Variants in SERPINB11 observed in about 807,000 individuals in gnomAD.
The protein encoded by SERPINB11 is serpin family B member 11.
In SERPINB11, 32 loss-of-function variants were observed where a neutral mutation model predicts 36.7. The ratio of observed to expected loss-of-function variants is 0.87; its 90% CI spans 0.66 to 1.17. SERPINB11 has a LOEUF of 1.17. Ranked by LOEUF, SERPINB11 falls within the 50% of genes most tolerant of loss-of-function variation. The probability of loss-of-function intolerance (pLI) is 0.00; values close to 1 mark genes in which losing one functional copy is unlikely to be tolerated. For synonymous variants in SERPINB11, 174 were observed against 168.1 expected (o/e 1.04, Z -0.27); for missense variants, 528 against 458.4 (o/e 1.15, Z -1.39).
At chr18:63,717,042 C>T (rs1030916335) in intron 5 of SERPINB11, among the ~76,000 whole-genome samples, 6 of 152,072 alleles carry the variant, frequency 3.9e-5, no homozygotes, top group African/African-American at 1.4e-4. Context: ...AAATCCTCTT[C>T]TGGAAATAAG....
At chr18:63,714,718 C>T (rs1187610820) in intron 4 of SERPINB11, among the ~76,000 whole-genome samples, 1 of 152,158 alleles carries the variant, frequency 6.6e-6, no homozygotes, top group East Asian at 1.9e-4. Flanking sequence ...CTGAACATCG[C>T]TGTTATCCTG....
chr18:63,720,001 T>G lies in SERPINB11; in HGVS notation c.476-12T>G. On this transcript the variant is annotated splice_polypyrimidine_tract_variant and intron_variant, in intron 5 of 7. Transcript: ENST00000544088. ...TCAAATCCAAATATAATTATCTTAT[T>G]TTTTATACAAGGAAAAGTCGCAAAT... 1.3e-6 allele frequency: 2 copies of G among 1,585,330 alleles called. No homozygotes were observed. Among genetic ancestry groups the G allele is most frequent in the Middle Eastern group, 1.7e-4 (1 of 5,930 alleles).
intron 4 of SERPINB11, among the ~76,000 whole-genome samples, chr18:63,714,125 A>G (rs1914601703): frequency 6.6e-6 from 1 of 152,114 alleles, no homozygotes; most frequent in Non-Finnish European, 1.5e-5. Context: ...GAAAGAGTAC[A>G]ACAGAGAGAA....
intron 1 of SERPINB11, among the ~76,000 whole-genome samples, chr18:63,706,113 A>G (rs17071486): frequency 0.37 from 56,515 of 152,084 alleles, 11,359 homozygotes; most frequent in East Asian, 0.61. Flanking sequence ...CTGTATAACT[A>G]CTGGGTCCTA....
chr18:63,714,312 A>T (rs993792826), intron 4 of SERPINB11, among the ~76,000 whole-genome samples: 1 of 152,116 alleles, frequency 6.6e-6, no homozygotes, highest in Non-Finnish European at 1.5e-5. Context: ...CACAAGGCAA[A>T]TGGGGGCAGA....
chr18:63,712,723 C>T lies in SERPINB11; in HGVS notation c.357+30C>T, dbSNP rs745889016. On this transcript the variant is annotated intron_variant, in intron 4 of 7. Coordinates refer to ENST00000544088, the MANE Select transcript of SERPINB11 (RefSeq NM_001370475.1). ...GTCCATTTGGAAGAGTGATCAACAACTTTCTTGGCGTCCTCTGAATTTCAT... is the reference window on the plus strand; with the variant it reads ...GTCCATTTGGAAGAGTGATCAACAATTTTCTTGGCGTCCTCTGAATTTCAT... 1.4e-5 allele frequency: 22 copies of T among 1,600,972 alleles called. No homozygotes were observed. The South Asian group carries it at 2.5e-4, about 18-fold the overall frequency.
chr18:63,710,322 C>T lies in SERPINB11; in HGVS notation c.129C>T (p.Leu43=), dbSNP rs267605229. 1.0e-4 allele frequency: 165 copies of T among 1,613,338 alleles called. No individual in the cohort carries two copies. The highest frequency in any genetic ancestry group is 1.3e-4 in the Non-Finnish European group (158 of 1,179,636). The change falls in exon 2 of 8, where the codon CTC becomes CTT. Residue 43 remains leucine, a synonymous_variant. Transcript: ENST00000544088. The part of the protein sequence containing the change: ...LSLLYALSMV[L]LGARGETEEQ... ...TGCTTTATGCTCTAAGCATGGTCCTCCTTGGTGCCAGGGGAGAGACTGAAG... is the reference window on the plus strand; with the variant it reads ...TGCTTTATGCTCTAAGCATGGTCCTTCTTGGTGCCAGGGGAGAGACTGAAG...
chr18:63,714,767 C>T (rs922989529), intron 4 of SERPINB11, among the ~76,000 whole-genome samples: 3 of 152,118 alleles, frequency 2.0e-5, no homozygotes, highest in Non-Finnish European at 4.4e-5. Flanking sequence ...ATTGTTTAAA[C>T]ACACATGCTT....
In SERPINB11 at chr18:63,710,417, C is replaced by G. The variant is rs192232302; in HGVS notation, c.168+56C>G. On this transcript the variant is annotated intron_variant, in intron 2 of 7. Coordinates refer to ENST00000544088, the MANE Select transcript of SERPINB11 (RefSeq NM_001370475.1). ...CCCAGAAGTCTTTCATGCTCCCGCT[C>G]TGGGTCAGCAAAATTAATTCTATCT... is the stretch of plus-strand genomic sequence containing the variant. 14 of 1,425,666 alleles carry G rather than the reference C, an allele frequency of 9.8e-6. No homozygotes were observed. The African/African-American group carries it at 1.9e-4, about 19-fold the overall frequency. 88.3% of individuals were successfully genotyped at this position (1,425,666 alleles called of 1,614,324 possible).
At position 63,720,071 on chromosome 18, in the gene SERPINB11, G is replaced by A. The variant is rs2144549349; in HGVS notation, c.534G>A (p.Leu178=). The change falls in exon 6 of 8, where the codon CTG becomes CTA. Residue 178 remains leucine (L), a synonymous_variant. Transcript: ENST00000544088. ...STIDPSSVMV[L]VNAIYFKGQW... ...TTGACCCTTCATCTGTAATGGTCCT[G>A]GTGAATGCCATATATTTCAAAGGAC... is the stretch of plus-strand genomic sequence containing the variant. 1 of 1,610,148 alleles carries A rather than the reference G, an allele frequency of 6.2e-7. No individual in the cohort carries two copies. Among genetic ancestry groups the A allele is most frequent in the Non-Finnish European group, 8.5e-7 (1 of 1,176,946 alleles).
chr18:63,710,820 A>G (rs928312838), intron 2 of SERPINB11, among the ~76,000 whole-genome samples: 2 of 152,230 alleles, frequency 1.3e-5, no homozygotes, highest in Non-Finnish European at 2.9e-5. Flanking sequence ...CAGAAAGGAA[A>G]GGTGACTTTT....
chr18:63,720,173 A>T lies in SERPINB11; in HGVS notation c.618+18A>T. ...TAAGTGAGGTAAGTATTTTATTTTC[A>T]GACTCATGACAAATGTTGGAGGATA... On this transcript the variant is annotated intron_variant, in intron 6 of 7. Coordinates refer to ENST00000544088, the MANE Select transcript of SERPINB11 (RefSeq NM_001370475.1). 6.3e-7 allele frequency: 1 copy of T among 1,582,934 alleles called. No individual in the cohort carries two copies. Among genetic ancestry groups the T allele is most frequent in the Non-Finnish European group, 8.6e-7 (1 of 1,156,480 alleles).
chr18:63,706,895 G>C (rs890697441), intron 1 of SERPINB11, among the ~76,000 whole-genome samples: 1 of 152,094 alleles, frequency 6.6e-6, no homozygotes, highest in African/African-American at 2.4e-5. Flanking sequence ...GCTACCTCAC[G>C]GACACAAAAT....
chr18:63,715,862 T>A (rs1185043898), intron 4 of SERPINB11, among the ~76,000 whole-genome samples, 173 bp from the exon 5 acceptor site: 1 of 152,232 alleles, frequency 6.6e-6, no homozygotes, highest in Non-Finnish European at 1.5e-5. Context: ...CAGATTTTGT[T>A]AAATTTATTT....
chr18:63,720,218 A>C (rs901020760), intron 6 of SERPINB11, 63 bp downstream of exon 6: 1 of 1,383,980 alleles, frequency 7.2e-7, no homozygotes, highest in African/African-American at 1.5e-5. Flanking sequence ...TTTAAGGACA[A>C]TTTAGAAAGA....
chr18:63,707,796 G>A (rs1216452814), intron 1 of SERPINB11, among the ~76,000 whole-genome samples: 1 of 152,176 alleles, frequency 6.6e-6, no homozygotes, highest in Non-Finnish European at 1.5e-5. Flanking sequence ...TTGTCTAGAT[G>A]CTGGAATAAA....
Position 63,723,189 on chromosome 18 carries a change from C to T in SERPINB11, c.969C>T (p.Thr323=). The T allele has an allele frequency of 6.2e-7, 1 of 1,613,426 alleles. No individual in the cohort carries two copies. Among genetic ancestry groups the T allele is most frequent in the Non-Finnish European group, 8.5e-7 (1 of 1,179,656 alleles). ...CTGATCTTTCTGGAATGTCACCAAC[C>T]AAGGGCCTATATTTATCAAAAGCCA... ...VKADLSGMSP[T]KGLYLSKAIH... The change falls in exon 8 of 8, where the codon ACC becomes ACT. Residue 323 remains threonine, a synonymous_variant. Transcript: ENST00000544088.
upstream of SERPINB11, chr18:63,702,901 A>G (rs1914274388): frequency 6.7e-6 from 1 of 150,166 alleles, no homozygotes; most frequent in Admixed American, 6.7e-5. Context: ...AAGGGCACAA[A>G]TGAAAAGGGA....
chr18:63,705,072 T>G (rs2144527387), intron 1 of SERPINB11, among the ~76,000 whole-genome samples: 2 of 152,318 alleles, frequency 1.3e-5, no homozygotes, highest in South Asian at 4.1e-4. Flanking sequence ...TGTATTTTTT[T>G]GTTTTTCTTT....
Sources: gnomAD v4.1 joint callset for allele counts (sites outside exome capture counted in the v4.1 genomes callset) on GRCh38, gnomAD v4.1.1 for gene constraint, MANE v1.5 for transcripts, NCBI Gene and HGNC (gene_info 2026-07-23, HGNC 2026-07-21) for gene names.